Variants in SMAD3 observed in about 807,000 individuals in gnomAD.
SMAD3 encodes SMAD family member 3, also known as MAD homolog 3.
A neutral mutation model predicts 51.8 loss-of-function variants in SMAD3; 12 were observed. That is an observed-to-expected ratio of 0.23 (90% CI 0.15 to 0.38). The LOEUF (loss-of-function observed/expected upper bound fraction) is 0.38. SMAD3 is among the 10% of genes least tolerant of loss of function. The pLI is 1.00. For missense variants in SMAD3, 294 were observed against 565.6 expected (o/e 0.52, Z 4.87); for synonymous variants, 238 against 227.7 (o/e 1.05, Z -0.41).
chr15:67,164,451 G>C (rs1962519614), intron 1 of SMAD3, among the ~76,000 whole-genome samples: 1 of 151,610 alleles, frequency 6.6e-6, no homozygotes. Flanking sequence ...ACTCTTCTTT[G>C]GATCACTGTA....
In SMAD3 at chr15:67,191,408, C is replaced by G. The variant is rs1013168738; in HGVS notation, c.*872C>G. ...GCATTTGGTCTCAGGCAGCACCACA[C>G]TGGGTGCGTCTCCAGTCATCTGTAA... On this transcript the variant is annotated 3_prime_UTR_variant, in exon 9 of 9. Coordinates refer to ENST00000327367, the MANE Select transcript of SMAD3 (RefSeq NM_005902.4). 1.3e-5 allele frequency: 3 copies of G among 233,352 alleles called. No individual in the cohort carries two copies. Among genetic ancestry groups the G allele is most frequent in the Non-Finnish European group, 2.5e-5 (3 of 118,076 alleles). 14.5% of individuals were successfully genotyped at this position (233,352 alleles called of 1,614,324 possible). A position where few individuals can be genotyped will look rare whatever the true frequency, so the allele number is the denominator to read the frequency against.
At chr15:67,078,361 G>A (rs1331545930) in intron 1 of SMAD3, among the ~76,000 whole-genome samples, 1 of 152,168 alleles carries the variant, frequency 6.6e-6, no homozygotes, top group Admixed American at 6.5e-5. Flanking sequence ...ACCGTCTCTG[G>A]TCAGTGTTTT....
chr15:67,180,279 C>T (rs1404787200), intron 5 of SMAD3, among the ~76,000 whole-genome samples: 1 of 151,970 alleles, frequency 6.6e-6, no homozygotes, highest in African/African-American at 2.4e-5. Context: ...GGAGATGCTG[C>T]AGAGGCGTGC....
At chr15:67,184,685 T>C in intron 6 of SMAD3, 42 bp from the exon 7 acceptor site, 6 of 1,612,874 alleles carry the variant, frequency 3.7e-6, no homozygotes, top group Non-Finnish European at 5.1e-6. Context: ...CCATTGTGTG[T>C]GAGCAAAGGC....
intron 1 of SMAD3, among the ~76,000 whole-genome samples, chr15:67,122,753 T>C (rs1284141235): frequency 6.6e-6 from 1 of 152,160 alleles, no homozygotes; most frequent in African/African-American, 2.4e-5. Flanking sequence ...GGAATAGGGC[T>C]TTGGGATCCT....
At chr15:67,124,538 A>T (rs1057425552) in intron 1 of SMAD3, among the ~76,000 whole-genome samples, 3 of 152,232 alleles carry the variant, frequency 2.0e-5, no homozygotes, top group Non-Finnish European at 4.4e-5. Flanking sequence ...TTTCAAAGGG[A>T]ATTAGAAAAA....
chr15:67,176,780 G>T (rs3784679), intron 5 of SMAD3, among the ~76,000 whole-genome samples: 2 of 152,120 alleles, frequency 1.3e-5, no homozygotes, highest in Non-Finnish European at 2.9e-5. Context: ...CCACACTGGT[G>T]GGGGAGGGGG....
At chr15:67,083,059 A>G (rs1447946148) in intron 1 of SMAD3, among the ~76,000 whole-genome samples, 1 of 152,182 alleles carries the variant, frequency 6.6e-6, no homozygotes, top group Non-Finnish European at 1.5e-5. Flanking sequence ...GCCTTTGAGC[A>G]TGGGCCTGGA....
Position 67,192,767 on chromosome 15 carries a change from A to G in SMAD3, c.*2231A>G. The G allele has an allele frequency of 4.3e-6, 1 of 233,296 alleles. No individual in the cohort carries two copies. The highest frequency in any genetic ancestry group is 8.5e-6 in the Non-Finnish European group (1 of 117,976). 14.5% of individuals were successfully genotyped at this position (233,296 alleles called of 1,614,324 possible). ...TGTCTTACTCCAGGTGAAGGGGGAA[A>G]AAAAAAGCCTATACTTTGGCAGGTT... On this transcript the variant is annotated 3_prime_UTR_variant, in exon 9 of 9. Coordinates refer to ENST00000327367, the MANE Select transcript of SMAD3 (RefSeq NM_005902.4).
intron 1 of SMAD3, among the ~76,000 whole-genome samples, chr15:67,073,187 TTC>T (rs1960094424): frequency 6.6e-6 from 1 of 152,210 alleles, no homozygotes; most frequent in Non-Finnish European, 1.5e-5. Context: ...CTCTCTCTCT[TTC>T]TCTTTCTCTC....
intron 1 of SMAD3, among the ~76,000 whole-genome samples, chr15:67,091,921 C>T (rs4776888): frequency 0.61 from 92,415 of 151,986 alleles, 28,379 homozygotes; most frequent in East Asian, 0.79. Context: ...GGTGAGGTGA[C>T]CCAGAACTTG....
intron 1 of SMAD3, among the ~76,000 whole-genome samples, chr15:67,103,579 C>T (rs892357328): frequency 1.3e-5 from 2 of 152,196 alleles, no homozygotes; most frequent in African/African-American, 4.8e-5. Flanking sequence ...CCCTGAGTCC[C>T]ACTCACCCTC....
intron 1 of SMAD3, among the ~76,000 whole-genome samples, chr15:67,129,203 ACTC>A (rs1566977647): frequency 2.6e-5 from 4 of 152,064 alleles, no homozygotes; most frequent in African/African-American, 9.7e-5. Context: ...AACTAACAGG[ACTC>A]CTCTCTCAAG....
At chr15:67,177,283 T>A (rs1962926650) in intron 5 of SMAD3, among the ~76,000 whole-genome samples, 1 of 152,226 alleles carries the variant, frequency 6.6e-6, no homozygotes, top group Admixed American at 6.5e-5. Flanking sequence ...CCAAACTGGA[T>A]GCTTTTGCAG....
chr15:67,147,429 T>C (rs1962008743), intron 1 of SMAD3, among the ~76,000 whole-genome samples: 1 of 152,098 alleles, frequency 6.6e-6, no homozygotes, highest in South Asian at 2.1e-4. Flanking sequence ...GGCCATAGTT[T>C]TGGGGTCATG....
chr15:67,116,187 G>C (rs1566973270), intron 1 of SMAD3, among the ~76,000 whole-genome samples: 1 of 152,110 alleles, frequency 6.6e-6, no homozygotes, highest in Admixed American at 6.6e-5. Context: ...GGTTGACACT[G>C]TCTGAGAGCA....
At chr15:67,160,124 T>C (rs1262839926) in intron 1 of SMAD3, among the ~76,000 whole-genome samples, 2 of 152,246 alleles carry the variant, frequency 1.3e-5, no homozygotes. Flanking sequence ...CATTACACAT[T>C]GTATGCTTGT....
intron 1 of SMAD3, among the ~76,000 whole-genome samples, chr15:67,143,777 C>T (rs1464821970): frequency 2.6e-5 from 4 of 152,066 alleles, no homozygotes; most frequent in Non-Finnish European, 5.9e-5. Flanking sequence ...GAGTCTCGCA[C>T]TGTCGCCTGG....
chr15:67,175,219 A>G (rs930090120), intron 5 of SMAD3, among the ~76,000 whole-genome samples: 2 of 152,218 alleles, frequency 1.3e-5, no homozygotes, highest in Non-Finnish European at 2.9e-5. Flanking sequence ...GGGCGGAGCC[A>G]TGACTGAGGA....
Sources: allele counts gnomAD v4.1 joint callset (sites outside exome capture counted in the v4.1 genomes callset), GRCh38; gene constraint gnomAD v4.1.1; transcripts MANE v1.5; gene names NCBI Gene and HGNC (gene_info 2026-07-23, HGNC 2026-07-21).